Variants in KCNIP4 observed in about 807,000 individuals in gnomAD.
KCNIP4 encodes Kv channel-interacting protein 4.
In KCNIP4, 12 loss-of-function variants were observed where a neutral mutation model predicts 34.0. The observed-to-expected ratio is 0.35, with a 90% CI of 0.23 to 0.57. The LOEUF is 0.57. KCNIP4 is among the 20% of genes least tolerant of loss of function. The pLI is 0.83. For synonymous variants in KCNIP4, 124 were observed against 102.2 expected (o/e 1.21, Z -1.29); for missense variants, 238 against 311.7 (o/e 0.76, Z 1.78).
chr4:21,841,457 G>T (rs1306454128), intron 1 of KCNIP4, among the ~76,000 whole-genome samples: 2 of 152,128 alleles, frequency 1.3e-5, no homozygotes, highest in East Asian at 3.9e-4. Flanking sequence ...TGTTGAAAAA[G>T]AATGTGACTT....
At chr4:21,615,141 T>C (rs936978878) in intron 1 of KCNIP4, among the ~76,000 whole-genome samples, 1 of 151,488 alleles carries the variant, frequency 6.6e-6, no homozygotes, top group Non-Finnish European at 1.5e-5. Context: ...AGAGTGAAAG[T>C]AGAAAAATCA....
At position 20,895,991 on chromosome 4, in the gene KCNIP4, C is replaced by CT. The variant is rs900491621; in HGVS notation, c.62-13283dup. Among the ~76,000 whole-genome samples, 348 of 151,460 alleles carry CT rather than the reference C, an allele frequency of 2.3e-3. 2 individuals carry two copies. The highest frequency in any genetic ancestry group is 7.3e-3 in the African/African-American group (303 of 41,290). Reference sequence around the variant, plus strand: ...GAGTTGGAGCTTTTTAGCTCAAACACTTTTTTTTTAAATTAACTGGGCCAA... The same window carrying CT: ...GAGTTGGAGCTTTTTAGCTCAAACACTTTTTTTTTTAAATTAACTGGGCCAA... On this transcript the variant is annotated intron_variant, in intron 1 of 8. Transcript: ENST00000382152.
intron 1 of KCNIP4, among the ~76,000 whole-genome samples, chr4:21,776,124 GCA>G (rs1432208408): frequency 2.6e-5 from 4 of 152,328 alleles, no homozygotes; most frequent in East Asian, 3.9e-4. Context: ...CGTGGAAAAA[GCA>G]CAGTTTCCCC....
intron 1 of KCNIP4, among the ~76,000 whole-genome samples, chr4:21,665,535 T>C (rs1286244175): frequency 7.1e-6 from 1 of 141,722 alleles, no homozygotes; most frequent in Non-Finnish European, 1.5e-5. Flanking sequence ...ATTTTATACA[T>C]GTATTTTCTT....
At chr4:21,780,637 C>T (rs1255822718) in intron 1 of KCNIP4, among the ~76,000 whole-genome samples, 4 of 152,152 alleles carry the variant, frequency 2.6e-5, no homozygotes, top group Non-Finnish European at 5.9e-5. Context: ...CAGTTTACAG[C>T]AGTGGCAACC....
At chr4:21,731,910 A>C (rs535155039) in intron 1 of KCNIP4, among the ~76,000 whole-genome samples, 11 of 152,218 alleles carry the variant, frequency 7.2e-5, no homozygotes, top group African/African-American at 2.6e-4. Context: ...ACTTGAGAGA[A>C]AGGGCAGGGC....
At chr4:21,497,944 C>A (rs1371964881) in intron 1 of KCNIP4, among the ~76,000 whole-genome samples, 1 of 152,082 alleles carries the variant, frequency 6.6e-6, no homozygotes, top group Non-Finnish European at 1.5e-5. Flanking sequence ...TCTTTCAGTG[C>A]AAAGATATCT....
At chr4:21,878,012 C>G (rs1484535000) in intron 1 of KCNIP4, among the ~76,000 whole-genome samples, 2 of 152,154 alleles carry the variant, frequency 1.3e-5, no homozygotes, top group African/African-American at 4.8e-5. Context: ...CCCATGGAAA[C>G]TTACACTTTT....
intron 1 of KCNIP4, among the ~76,000 whole-genome samples, chr4:21,096,536 C>T (rs946859885): frequency 6.6e-6 from 1 of 152,090 alleles, no homozygotes; most frequent in Non-Finnish European, 1.5e-5. Flanking sequence ...AATATCTCCT[C>T]ATTTGAACAT....
intron 1 of KCNIP4, among the ~76,000 whole-genome samples, chr4:21,248,682 T>C (rs924255083): frequency 6.6e-6 from 1 of 152,144 alleles, no homozygotes; most frequent in Non-Finnish European, 1.5e-5. Context: ...AGAAGTGGGG[T>C]GCTCAGCAGT....
intron 1 of KCNIP4, among the ~76,000 whole-genome samples, chr4:21,922,216 T>C (rs900708111): frequency 3.9e-5 from 6 of 152,186 alleles, no homozygotes; most frequent in Non-Finnish European, 5.9e-5. Flanking sequence ...CTCTGACCAA[T>C]AAACCTCAAC....
Position 21,259,920 on chromosome 4 carries a change from T to TGTGTGTGTGC in KCNIP4, c.62-377212_62-377211insGCACACACAC, listed in dbSNP as rs755266993. ...GTGTGTGTGTGTGTGTGTGTGTGTG[T>TGTGTGTGTGC]GCACGTGCGCTTATGTGCATTGTGC... is the stretch of plus-strand genomic sequence containing the variant. On this transcript the variant is annotated intron_variant, in intron 1 of 8. Transcript: ENST00000382152. 2.1e-4 allele frequency among the ~76,000 whole-genome samples: 32 copies of TGTGTGTGTGC among 150,198 alleles called. No homozygotes were observed. The East Asian group carries it at 2.6e-3, about 12-fold the overall frequency.
At chr4:20,742,200 A>G (rs1751286093) in intron 5 of KCNIP4, among the ~76,000 whole-genome samples, 1 of 152,176 alleles carries the variant, frequency 6.6e-6, no homozygotes, top group African/African-American at 2.4e-5. Context: ...AAAAGAGGGA[A>G]TCCTCCCTAA....
chr4:21,395,780 C>G (rs115992614), intron 1 of KCNIP4, among the ~76,000 whole-genome samples: 2 of 152,066 alleles, frequency 1.3e-5, no homozygotes, highest in Non-Finnish European at 2.9e-5. Flanking sequence ...CAAAGGGCTT[C>G]TTTTAAATGA....
intron 1 of KCNIP4, among the ~76,000 whole-genome samples, chr4:20,920,567 C>G (rs1053680214): frequency 1.3e-5 from 2 of 152,088 alleles, no homozygotes; most frequent in Non-Finnish European, 2.9e-5. Flanking sequence ...TGGGGAGAGG[C>G]AGGGTTGCAG....
At chr4:21,277,962 C>A (rs1280177253) in intron 1 of KCNIP4, among the ~76,000 whole-genome samples, 1 of 151,870 alleles carries the variant, frequency 6.6e-6, no homozygotes, top group East Asian at 1.9e-4. Context: ...TGCTTTTAAA[C>A]AAGATATGAG....
At chr4:21,272,452 T>C (rs942139019) in intron 1 of KCNIP4, among the ~76,000 whole-genome samples, 39 of 152,158 alleles carry the variant, frequency 2.6e-4, no homozygotes, top group Non-Finnish European at 2.9e-5. Context: ...TGGCAAACTA[T>C]TAGATAGAGT....
intron 3 of KCNIP4, among the ~76,000 whole-genome samples, chr4:20,803,703 AAGAGAGAGAG>A (rs57764706): frequency 5.4e-4 from 68 of 125,852 alleles, no homozygotes; most frequent in Admixed American, 1.7e-3. Context: ...GAGAGAGAGA[AAGAGAGAGAG>A]AGAGAGAGAG....
At chr4:21,394,809 G>A (rs1722848719) in intron 1 of KCNIP4, among the ~76,000 whole-genome samples, 1 of 152,076 alleles carries the variant, frequency 6.6e-6, no homozygotes, top group Non-Finnish European at 1.5e-5. Flanking sequence ...AATTCAGGGT[G>A]TACATTTTCA....
Sources: gnomAD v4.1 joint callset for allele counts (sites outside exome capture counted in the v4.1 genomes callset) on GRCh38, gnomAD v4.1.1 for gene constraint, MANE v1.5 for transcripts, NCBI Gene and HGNC (gene_info 2026-07-23, HGNC 2026-07-21) for gene names.